MPDZ: variants seen among roughly 807,000 people sequenced by gnomAD.
MPDZ encodes multiple PDZ domain crumbs cell polarity complex component, also known as multiple PDZ domain protein.
In MPDZ, 234 loss-of-function variants were observed where a neutral mutation model predicts 239.1. The observed-to-expected ratio is 0.98, with a 90% CI of 0.88 to 1.09. The LOEUF (loss-of-function observed/expected upper bound fraction) is 1.09, where lower values mean the gene tolerates loss of function less well. Ranked by LOEUF, MPDZ falls within the 50% of genes least tolerant of loss-of-function variation. MPDZ has a pLI of 0.00. For missense variants in MPDZ, 3,175 were observed against 2,510.0 expected, an observed-to-expected ratio of 1.26 and a Z score of -5.66; for synonymous variants, 1,048 against 881.3, an observed-to-expected ratio of 1.19 and a Z score of -3.35.
intron 3 of MPDZ, among the ~76,000 whole-genome samples, chr9:13,242,608 A>C (rs1965692623): frequency 6.8e-6 from 1 of 146,832 alleles, no homozygotes; most frequent in African/African-American, 2.5e-5. Context: ...TACAATATCC[A>C]AAAAAAAAAA....
intron 32 of MPDZ, among the ~76,000 whole-genome samples, chr9:13,129,398 G>A (rs982868211): frequency 7.9e-5 from 12 of 152,144 alleles, no homozygotes; most frequent in African/African-American, 2.9e-4. Context: ...GGGAGGTGGA[G>A]GATGCAGTGA....
intron 19 of MPDZ, among the ~76,000 whole-genome samples, chr9:13,183,190 C>G (rs1953601359): frequency 6.6e-6 from 1 of 152,062 alleles, no homozygotes; most frequent in Non-Finnish European, 1.5e-5. Context: ...CTTTGAGCCT[C>G]TGTATCTATC....
At chr9:13,229,295 CAG>C (rs1052899638) in intron 3 of MPDZ, among the ~76,000 whole-genome samples, 3 of 151,996 alleles carry the variant, frequency 2.0e-5, no homozygotes, top group Admixed American at 1.3e-4. Context: ...CCACATTAAA[CAG>C]GGGAATATAC....
chr9:13,149,165 C>T (rs1012957409), intron 25 of MPDZ, among the ~76,000 whole-genome samples: 1 of 151,904 alleles, frequency 6.6e-6, no homozygotes, highest in Admixed American at 6.6e-5. Flanking sequence ...GAGAAAAAGC[C>T]TATCACTCTT....
rs1164814424 is a variant in MPDZ, at chr9:13,115,323, G to C, written c.5391C>G (p.Gly1797=). Residue 1797 remains glycine, a synonymous_variant, in exon 40 of 47, where the codon GGC becomes GGG. Transcript: ENST00000319217. ...TTCTTCCAACTTCCAAGGTTACTGT[G>C]CCTAGGGAACACTGGGGGTGGGCAT... The part of the protein sequence containing the change: ...AVAALLKCSL[G]TVTLEVGRIK... 1.9e-6 allele frequency: 3 copies of C among 1,612,352 alleles called. No individual in the cohort carries two copies. The highest frequency in any genetic ancestry group is 3.3e-5 in the Admixed American group (2 of 59,998).
chr9:13,113,800 C>T, intron 41 of MPDZ, 131 bp downstream of exon 41: 1 of 693,484 alleles, frequency 1.4e-6, no homozygotes, highest in Non-Finnish European at 2.4e-6. Context: ...TTTTTGCTAA[C>T]ACGTGTTTTT....
At chr9:13,279,252 C>T (rs1230818954) in intron 1 of MPDZ, 148 bp downstream of exon 1, 2 of 98,064 alleles carry the variant, frequency 2.0e-5, no homozygotes, top group African/African-American at 9.3e-5. Flanking sequence ...GCCACCCCTA[C>T]CCCCACCCCC....
chr9:13,231,166 A>T (rs1375370631), intron 3 of MPDZ, among the ~76,000 whole-genome samples: 1 of 152,184 alleles, frequency 6.6e-6, no homozygotes, highest in Non-Finnish European at 1.5e-5. Flanking sequence ...GGGAATAAAA[A>T]AAAGGAACAT....
At chr9:13,121,552 T>G (rs1358715050) in intron 38 of MPDZ, among the ~76,000 whole-genome samples, 187 bp downstream of exon 38, 1 of 152,166 alleles carries the variant, frequency 6.6e-6, no homozygotes, top group Non-Finnish European at 1.5e-5. Context: ...TTCAAAACCT[T>G]CCAATATTCT....
At chr9:13,239,613 G>A (rs1397377581) in intron 3 of MPDZ, among the ~76,000 whole-genome samples, 1 of 152,054 alleles carries the variant, frequency 6.6e-6, no homozygotes, top group Non-Finnish European at 1.5e-5. Context: ...TAGTTGTCTG[G>A]CAAGGAAAGA....
chr9:13,277,550 T>C (rs975123069), intron 1 of MPDZ, among the ~76,000 whole-genome samples: 2 of 152,076 alleles, frequency 1.3e-5, no homozygotes, highest in African/African-American at 4.8e-5. Flanking sequence ...GCTAGGCTTT[T>C]ATTTTTATTT....
At position 13,219,540 on chromosome 9, in the gene MPDZ, A is replaced by T; in HGVS notation, c.1086+19T>A. 6.2e-7 allele frequency: 1 copy of T among 1,602,964 alleles called. No homozygotes were observed. Among genetic ancestry groups the T allele is most frequent in the South Asian group, 1.1e-5 (1 of 90,250 alleles). On this transcript the variant is annotated intron_variant, in intron 8 of 46. Transcript: ENST00000319217. ...TGTTATTTCTCTGACTTTCACATTA[A>T]CTACTCTTAACTACTTACCCGCAAC...
At chr9:13,201,474 G>C (rs1286943706) in intron 12 of MPDZ, among the ~76,000 whole-genome samples, 1 of 151,896 alleles carries the variant, frequency 6.6e-6, no homozygotes, top group Non-Finnish European at 1.5e-5. Context: ...CCAGATTTGA[G>C]AAATTTTCAG....
intron 10 of MPDZ, 56 bp from the exon 11 acceptor site, chr9:13,206,155 T>C: frequency 6.8e-7 from 1 of 1,473,600 alleles, no homozygotes; most frequent in Non-Finnish European, 9.1e-7. Context: ...GATATTTGTA[T>C]TACCAATTCA....
chr9:13,185,006 G>A (rs113718012), intron 18 of MPDZ, among the ~76,000 whole-genome samples: 1,590 of 152,064 alleles, frequency 0.01, 27 homozygotes, highest in African/African-American at 0.037. Context: ...ATGCTATTTC[G>A]TCGGGTACTT....
intron 1 of MPDZ, chr9:13,274,523 A>G (rs559670027): frequency 1.3e-5 from 2 of 151,584 alleles, no homozygotes; most frequent in Non-Finnish European, 2.9e-5. Flanking sequence ...GTCTCCTTTT[A>G]TTTATTTATT....
rs779425822 is a variant in MPDZ, at chr9:13,121,850, G to C, written c.5120C>G (p.Thr1707Arg). 1 of 1,613,908 alleles carries C rather than the reference G, an allele frequency of 6.2e-7. No homozygotes were observed. Among genetic ancestry groups the C allele is most frequent in the South Asian group, 1.1e-5 (1 of 91,078 alleles). ...LRQTPQRVRL[T>R]LYRDEAPYKE... is the part of the protein sequence containing the mutation. ...GTATGGGGCCTCATCTCTGTAGAGT[G>C]TCAGGCGCACTCTCTGTGGCGTCTG... The change falls in exon 38 of 47, where the codon ACA (threonine) becomes AGA (arginine). Residue 1707 changes from threonine (T) to arginine (R), a missense_variant. Thr to Arg is a moderately conservative substitution (Grantham distance 71). Transcript: ENST00000319217.
intron 17 of MPDZ, among the ~76,000 whole-genome samples, chr9:13,187,217 T>C (rs1954231497): frequency 6.6e-6 from 1 of 152,098 alleles, no homozygotes. Context: ...GAAGTAGAGG[T>C]ATTTATCATA....
chr9:13,147,646 C>G lies in MPDZ; in HGVS notation c.3643G>C (p.Asp1215His). The change falls in exon 26 of 47, where the codon GAC becomes CAC. Residue 1215 changes from aspartate (D) to histidine (H), a missense_variant. Physicochemically the swap from Asp to His is moderately conservative, Grantham distance 81. Transcript: ENST00000319217. ...TGTTCATGGCTTGCATCTCTGAGGTCCATTCCATCCACCTGCAATGGAAGG... is the reference window on the plus strand; with the variant it reads ...TGTTCATGGCTTGCATCTCTGAGGTGCATTCCATCCACCTGCAATGGAAGG... ...GDRIVEVDGMDLRDASHEQAV... is the reference protein window; with the variant it reads ...GDRIVEVDGMHLRDASHEQAV... The G allele has an allele frequency of 6.2e-7, 1 of 1,611,632 alleles. No individual in the cohort carries two copies. Among genetic ancestry groups the G allele is most frequent in the Non-Finnish European group, 8.5e-7 (1 of 1,178,446 alleles).
Sources: gnomAD v4.1 joint callset for allele counts (sites outside exome capture counted in the v4.1 genomes callset) on GRCh38, gnomAD v4.1.1 for gene constraint, MANE v1.5 for transcripts, NCBI Gene and HGNC (gene_info 2026-07-23, HGNC 2026-07-21) for gene names.